The following CNPY1 variants were observed in gnomAD, a reference collection of about 807,000 sequenced individuals.
CNPY1 encodes the protein canopy FGF signaling regulator 1, also known as protein canopy homolog 1.
In CNPY1, 14 loss-of-function variants were observed where a neutral mutation model predicts 14.4. That is an observed-to-expected ratio of 0.97 (90% CI 0.64 to 1.52). The LOEUF (loss-of-function observed/expected upper bound fraction) is 1.52. CNPY1 is among the 40% of genes most tolerant of loss of function. CNPY1 has a pLI of 0.00. For missense variants in CNPY1, 129 were observed against 131.5 expected (o/e 0.98, Z 0.09); for synonymous variants, 43 against 46.5 (o/e 0.92, Z 0.31).
intron 4 of CNPY1, chr7:155,506,786 T>G: frequency 6.3e-6 from 3 of 474,418 alleles, no homozygotes; most frequent in Non-Finnish European, 1.1e-5. Flanking sequence ...TTGAATTCAC[T>G]TAATATATAG....
chr7:155,526,179 A>C (rs1796815258), intron 2 of CNPY1, among the ~76,000 whole-genome samples: 1 of 152,182 alleles, frequency 6.6e-6, no homozygotes. Flanking sequence ...TTTTCCACAA[A>C]TTCATCTTTG....
intron 4 of CNPY1, 82 bp downstream of exon 4, chr7:155,506,938 G>T: frequency 1.1e-6 from 1 of 910,470 alleles, no homozygotes; most frequent in Non-Finnish European, 1.8e-6. Flanking sequence ...GCGAGGCTCG[G>T]TCTGCAAACA....
In CNPY1 at chr7:155,545,950, A is replaced by G; in HGVS notation, c.-14-7T>C. ...TCCATCAGCGCCCTGCACGCTAAAC[A>G]AGACACAAAACAGCTGTGATCAGAG... On this transcript the variant is annotated splice_region_variant and splice_polypyrimidine_tract_variant and intron_variant, in intron 1 of 4. Transcript: ENST00000636446. The G allele has an allele frequency of 2.5e-6, 1 of 398,590 alleles. No homozygotes were observed. The highest frequency in any genetic ancestry group is 4.4e-6 in the Non-Finnish European group (1 of 226,080). 24.7% of individuals were successfully genotyped at this position (398,590 alleles called of 1,614,324 possible).
In CNPY1 at chr7:155,517,202, GC is replaced by G. The variant is rs545630861; in HGVS notation, c.100-8106del. Among the ~76,000 whole-genome samples, 15 of 152,258 alleles carry G rather than the reference GC, an allele frequency of 9.9e-5. No homozygotes were observed. In the East Asian group the frequency reaches 2.7e-3, roughly 27 times the overall value. On this transcript the variant is annotated intron_variant, in intron 2 of 4. Transcript: ENST00000636446. ...AAGATCAGATCGGGTCATTGAGGTG[GC>G]CCCTTTTCAAATCTGGCCAGTGTCC...
chr7:155,525,961 T>C (rs553545684), intron 2 of CNPY1, among the ~76,000 whole-genome samples: 135 of 152,330 alleles, frequency 8.9e-4, no homozygotes, highest in Non-Finnish European at 1.5e-3. Flanking sequence ...CTACTTATTC[T>C]TTCATTTTCC....
intron 2 of CNPY1, among the ~76,000 whole-genome samples, chr7:155,520,024 C>G (rs1456556533): frequency 6.6e-6 from 1 of 151,822 alleles, no homozygotes; most frequent in South Asian, 2.1e-4. Flanking sequence ...TCACTTTTTC[C>G]TGTAGAATTA....
intron 2 of CNPY1, among the ~76,000 whole-genome samples, chr7:155,539,715 T>C (rs879344558): frequency 1.3e-5 from 2 of 151,988 alleles, no homozygotes; most frequent in Admixed American, 6.5e-5. Context: ...AACATTCATG[T>C]GTGTTAGCAT....
chr7:155,517,667 T>C (rs1279628930), intron 2 of CNPY1, among the ~76,000 whole-genome samples: 1 of 152,148 alleles, frequency 6.6e-6, no homozygotes, highest in African/African-American at 2.4e-5. Flanking sequence ...GAATTTCTCC[T>C]GCAACACGGC....
At chr7:155,522,120 C>T (rs1563091668) in intron 2 of CNPY1, among the ~76,000 whole-genome samples, 1 of 152,272 alleles carries the variant, frequency 6.6e-6, no homozygotes, top group Non-Finnish European at 1.5e-5. Context: ...GAGAGTCGGG[C>T]TGTGCTCACC....
At chr7:155,506,266 T>C (rs1563085868) in intron 4 of CNPY1, among the ~76,000 whole-genome samples, 2 of 152,226 alleles carry the variant, frequency 1.3e-5, no homozygotes, top group Non-Finnish European at 2.9e-5. Flanking sequence ...TTCCCAAAGA[T>C]ATCCAAAAGA....
chr7:155,527,430 A>ATTAAT (rs1796846897), intron 2 of CNPY1, among the ~76,000 whole-genome samples: 1 of 93,390 alleles, frequency 1.1e-5, no homozygotes, highest in African/African-American at 4.1e-5. Context: ...TTGATAATTA[A>ATTAAT]TTTCTTTTTT....
chr7:155,516,603 G>A (rs1796626462), intron 2 of CNPY1, among the ~76,000 whole-genome samples: 3 of 152,280 alleles, frequency 2.0e-5, no homozygotes, highest in Admixed American at 1.3e-4. Flanking sequence ...AGAAGACTGC[G>A]ACCCCAGCCT....
chr7:155,513,312 CATT>C (rs1405343279), intron 2 of CNPY1, among the ~76,000 whole-genome samples: 1 of 152,158 alleles, frequency 6.6e-6, no homozygotes, highest in Admixed American at 6.5e-5. Flanking sequence ...TTTAGCTAGA[CATT>C]ATTTAGGGAG....
chr7:155,521,472 C>A (rs558451479), intron 2 of CNPY1, among the ~76,000 whole-genome samples: 2 of 152,188 alleles, frequency 1.3e-5, no homozygotes, highest in African/African-American at 4.8e-5. Flanking sequence ...GCACAAGGGT[C>A]CTGCTGGATG....
intron 2 of CNPY1, among the ~76,000 whole-genome samples, chr7:155,541,027 G>C: frequency 6.6e-6 from 1 of 152,232 alleles, no homozygotes; most frequent in East Asian, 1.9e-4. Context: ...GATGCTGGCT[G>C]CATTTTGCTG....
Position 155,502,949 on chromosome 7 carries a change from A to T in CNPY1, c.*119T>A. 1 of 802,536 alleles carries T rather than the reference A, an allele frequency of 1.2e-6. No individual in the cohort carries two copies. The allele number at this position is 802,536 out of a possible 1,614,324, so 49.7% of individuals were successfully genotyped here. On this transcript the variant is annotated 3_prime_UTR_variant, in exon 5 of 5. Coordinates refer to ENST00000636446, the MANE Select transcript of CNPY1 (RefSeq NM_001393663.1). ...AAATGAATCATAAACGGAGACAAAC[A>T]CGGTATAAACAAGAGACAAAATTTT...
chr7:155,528,019 C>T (rs990458380), intron 2 of CNPY1, among the ~76,000 whole-genome samples: 2 of 152,290 alleles, frequency 1.3e-5, no homozygotes, highest in South Asian at 2.1e-4. Context: ...CAGGAACCCC[C>T]TCAAATATTA....
chr7:155,532,023 G>A (rs1327829351), intron 2 of CNPY1, among the ~76,000 whole-genome samples: 3 of 152,238 alleles, frequency 2.0e-5, no homozygotes, highest in African/African-American at 7.2e-5. Flanking sequence ...CAGACTGACA[G>A]CTTGAGCAAA....
intron 2 of CNPY1, among the ~76,000 whole-genome samples, chr7:155,528,445 G>A (rs1796869953): frequency 6.6e-6 from 1 of 152,232 alleles, no homozygotes; most frequent in Admixed American, 6.5e-5. Context: ...GTTAAGCTAC[G>A]CCGTGGGGGG....
Sources: gnomAD v4.1 joint callset for allele counts (sites outside exome capture counted in the v4.1 genomes callset) on GRCh38, gnomAD v4.1.1 for gene constraint, MANE v1.5 for transcripts, NCBI Gene and HGNC (gene_info 2026-07-23, HGNC 2026-07-21) for gene names.